C8orf34: variants seen among roughly 807,000 people sequenced by gnomAD.
C8orf34 encodes the protein chromosome 8 open reading frame 34.
A neutral mutation model predicts 68.3 loss-of-function variants in C8orf34; 65 were observed. That is an observed-to-expected ratio of 0.95 (90% CI 0.78 to 1.17). The LOEUF (loss-of-function observed/expected upper bound fraction) is 1.17. C8orf34 is among the 50% of genes most tolerant of loss of function. The pLI, the probability that C8orf34 is intolerant of heterozygous loss-of-function variation, is 0.00. For missense variants in C8orf34, 664 were observed against 655.4 expected, an observed-to-expected ratio of 1.01 and a Z score of -0.14; for synonymous variants, 244 against 241.2, an observed-to-expected ratio of 1.01 and a Z score of -0.11.
At chr8:68,672,055 A>T (rs571487352) in intron 8 of C8orf34, among the ~76,000 whole-genome samples, 3 of 152,246 alleles carry the variant, frequency 2.0e-5, no homozygotes, top group Non-Finnish European at 4.4e-5. Context: ...TATAAAATAT[A>T]TGAGAAATAC....
At chr8:68,777,288 C>T (rs1292479764) in intron 11 of C8orf34, among the ~76,000 whole-genome samples, 1 of 152,212 alleles carries the variant, frequency 6.6e-6, no homozygotes, top group Non-Finnish European at 1.5e-5. Flanking sequence ...GGTCTAACCC[C>T]ATGTTCCCAC....
At chr8:68,798,199 A>T (rs1393356414) in intron 12 of C8orf34, among the ~76,000 whole-genome samples, 2 of 151,698 alleles carry the variant, frequency 1.3e-5, no homozygotes, top group African/African-American at 4.8e-5. Flanking sequence ...ATGTTGCCCA[A>T]GCTGGTCTCA....
At chr8:68,453,075 G>C (rs1443456323) in intron 3 of C8orf34, among the ~76,000 whole-genome samples, 1 of 151,882 alleles carries the variant, frequency 6.6e-6, no homozygotes, top group African/African-American at 2.4e-5. Context: ...GATTAACCAT[G>C]AATACGAGGG....
chr8:68,378,130 C>G (rs1267150699), intron 1 of C8orf34, among the ~76,000 whole-genome samples: 1 of 152,064 alleles, frequency 6.6e-6, no homozygotes, highest in East Asian at 1.9e-4. Flanking sequence ...AGAGACCTGA[C>G]AAAACTCACT....
chr8:68,466,600 C>A (rs754120558), intron 3 of C8orf34, among the ~76,000 whole-genome samples: 4 of 151,360 alleles, frequency 2.6e-5, no homozygotes, highest in Non-Finnish European at 2.9e-5. Context: ...TAATTGTATA[C>A]AATGTGAATG....
rs1451118801 is a variant in C8orf34 at position 68,586,546 on chromosome 8, GGC to G, written c.1105+53398_1105+53399del. On this transcript the variant is annotated intron_variant, in intron 7 of 13. Transcript: ENST00000518698. ...GTCCAGATAAACTGTAATGCAGTGC[GGC>G]TCACTGAGAACAGATGAACAAAGAC... is the stretch of plus-strand genomic sequence containing the variant. Among the ~76,000 whole-genome samples, 4 of 152,100 alleles carry G rather than the reference GGC, an allele frequency of 2.6e-5. No homozygotes were observed. In the South Asian group the frequency reaches 6.2e-4, roughly 24 times the overall value.
chr8:68,513,598 C>T (rs185328813), intron 5 of C8orf34, among the ~76,000 whole-genome samples: 138 of 139,754 alleles, frequency 9.9e-4, no homozygotes, highest in South Asian at 1.9e-3. Flanking sequence ...TAACTGCTGA[C>T]GGGGTAGAGA....
At chr8:68,749,581 C>G (rs1822637097) in intron 10 of C8orf34, among the ~76,000 whole-genome samples, 1 of 152,022 alleles carries the variant, frequency 6.6e-6, no homozygotes. Context: ...ATTCCTCATG[C>G]CTATTTATAG....
At chr8:68,413,150 A>G (rs1809516155) in intron 1 of C8orf34, among the ~76,000 whole-genome samples, 1 of 152,176 alleles carries the variant, frequency 6.6e-6, no homozygotes, top group South Asian at 2.1e-4. Flanking sequence ...CCAGACAATC[A>G]TCAGATTCTT....
intron 10 of C8orf34, among the ~76,000 whole-genome samples, chr8:68,743,691 C>T (rs572018410): frequency 6.6e-6 from 1 of 152,324 alleles, no homozygotes; most frequent in East Asian, 1.9e-4. Context: ...TAAAAAATGG[C>T]ACACCAGGAG....
chr8:68,804,407 T>C (rs1824423154), intron 12 of C8orf34, among the ~76,000 whole-genome samples: 1 of 152,188 alleles, frequency 6.6e-6, no homozygotes, highest in Non-Finnish European at 1.5e-5. Context: ...TAAATACCCT[T>C]GAAGAAATAT....
chr8:68,426,518 CAAAAAAAAAAA>C (rs753578060), intron 1 of C8orf34, among the ~76,000 whole-genome samples: 2 of 29,610 alleles, frequency 6.8e-5, no homozygotes, highest in South Asian at 1.4e-3. Context: ...GACCTTGTCT[CAAAAAAAAAAA>C]AAAAAAAAAA....
At chr8:68,611,119 C>A (rs1033271229) in intron 7 of C8orf34, among the ~76,000 whole-genome samples, 1 of 152,094 alleles carries the variant, frequency 6.6e-6, no homozygotes, top group African/African-American at 2.4e-5. Flanking sequence ...ACACTTTAGC[C>A]TCCCAAAGTG....
At chr8:68,348,419 T>A (rs1806370826) in intron 1 of C8orf34, among the ~76,000 whole-genome samples, 1 of 152,136 alleles carries the variant, frequency 6.6e-6, no homozygotes, top group Admixed American at 6.6e-5. Flanking sequence ...TTTGTTCTTT[T>A]TGCTTAGCAT....
chr8:68,441,503 T>C (rs955167098), intron 2 of C8orf34, among the ~76,000 whole-genome samples: 1 of 152,120 alleles, frequency 6.6e-6, no homozygotes, highest in African/African-American at 2.4e-5. Flanking sequence ...CCTTCTTTCT[T>C]CTTCTTTAAA....
At chr8:68,340,637 T>C (rs1001710598) in intron 1 of C8orf34, among the ~76,000 whole-genome samples, 2 of 152,210 alleles carry the variant, frequency 1.3e-5, no homozygotes, top group African/African-American at 4.8e-5. Flanking sequence ...ACATGAAGTA[T>C]ATAATTGAAT....
At chr8:68,761,414 G>T (rs976512859) in intron 10 of C8orf34, among the ~76,000 whole-genome samples, 1 of 151,998 alleles carries the variant, frequency 6.6e-6, no homozygotes, top group Admixed American at 6.6e-5. Context: ...CTAGAGCAGT[G>T]CTCCCTTATT....
intron 4 of C8orf34, among the ~76,000 whole-genome samples, chr8:68,470,266 C>T (rs1487330399): frequency 1.3e-5 from 2 of 152,012 alleles, no homozygotes; most frequent in Non-Finnish European, 2.9e-5. Flanking sequence ...AGCTTCAGGG[C>T]TCTTTATAGT....
At chr8:68,437,145 A>G (rs1186823588) in intron 1 of C8orf34, among the ~76,000 whole-genome samples, 2 of 152,220 alleles carry the variant, frequency 1.3e-5, no homozygotes, top group South Asian at 4.1e-4. Context: ...TTAATACAAT[A>G]CAAATTTATC....
Sources: allele counts gnomAD v4.1 joint callset (sites outside exome capture counted in the v4.1 genomes callset), GRCh38; gene constraint gnomAD v4.1.1; transcripts MANE v1.5; gene names NCBI Gene and HGNC (gene_info 2026-07-23, HGNC 2026-07-21).